Variants in MED29 observed in about 807,000 individuals in gnomAD.
MED29 encodes the protein mediator of RNA polymerase II transcription subunit 29.
A neutral mutation model predicts 22.0 loss-of-function variants in MED29; 14 were observed. The observed-to-expected ratio is 0.64, with a 90% CI of 0.42 to 0.99. The LOEUF is 0.99. MED29 is among the 50% of genes least tolerant of loss of function. The pLI, the probability that MED29 is intolerant of heterozygous loss-of-function variation, is 0.00. For synonymous variants in MED29, 123 were observed against 107.8 expected (o/e 1.14, Z -0.87); for missense variants, 241 against 253.7 (o/e 0.95, Z 0.34).
At position 39,391,590 on chromosome 19, in the gene MED29, T is replaced by C. The variant is rs140511075; in HGVS notation, c.168T>C (p.Pro56=). 1 of 1,612,390 alleles carries C rather than the reference T, an allele frequency of 6.2e-7. No homozygotes were observed. The highest frequency in any genetic ancestry group is 2.2e-5 in the East Asian group (1 of 44,856). The change falls in exon 1 of 4, where the codon CCT becomes CCC. Residue 56 remains proline, a synonymous_variant. Transcript: ENST00000315588. The stretch of plus-strand genomic sequence containing the variant: ...AGCAACAGCAACAGGACTTCGATCC[T>C]GTGCAGCGTTATAAGATGCTCATCC... ...LLQQQQQDFD[P]VQRYKMLIPQ... is the part of the protein sequence containing the mutation.
intron 3 of MED29, among the ~76,000 whole-genome samples, chr19:39,397,105 C>CA (rs1181881678): frequency 6.6e-6 from 1 of 152,066 alleles, no homozygotes; most frequent in Non-Finnish European, 1.5e-5. Flanking sequence ...CCACTGCCAA[C>CA]ACCAGGCCTG....
rs2078453674 is a variant in MED29 at position 39,400,054 on chromosome 19, T to G, written c.*2355T>G. ...TGTGACAAAAGTAAAATATATCAGATGGTGAGAAAACAGAAAAATGAGATC... is the reference window on the plus strand; with the variant it reads ...TGTGACAAAAGTAAAATATATCAGAGGGTGAGAAAACAGAAAAATGAGATC... On this transcript the variant is annotated 3_prime_UTR_variant, in exon 4 of 4. Transcript: ENST00000315588. The G allele has an allele frequency of 6.6e-6, 1 of 152,036 alleles. No individual in the cohort carries two copies. Among genetic ancestry groups the G allele is most frequent in the Non-Finnish European group, 1.5e-5 (1 of 67,988 alleles). 9.4% of individuals were successfully genotyped at this position (152,036 alleles called of 1,614,324 possible).
Position 39,392,624 on chromosome 19 carries a change from C to CCT in MED29, c.275+102_275+103insCT, listed in dbSNP as rs745896633. ...CCGCCCACCTCACCTTCTATATTTA[C>CCT]TTTTTTTTTTTTTTTTTTTTGAGAC... On this transcript the variant is annotated intron_variant, in intron 2 of 3. Coordinates refer to ENST00000315588, the MANE Select transcript of MED29 (RefSeq NM_017592.4). 4.7e-3 allele frequency: 2,426 copies of CCT among 520,210 alleles called. 8 individuals are homozygous for CCT. Among genetic ancestry groups the CCT allele is most frequent in the South Asian group, 6.7e-3 (231 of 34,386 alleles). The allele number at this position is 520,210 out of a possible 1,614,324, so 32.2% of individuals were successfully genotyped here. A position where few individuals can be genotyped will look rare whatever the true frequency, so the allele number is the denominator to read the frequency against.
chr19:39,393,680 A>G (rs770664136), intron 3 of MED29, 43 bp downstream of exon 3: 6 of 1,529,598 alleles, frequency 3.9e-6, no homozygotes, highest in Non-Finnish European at 5.4e-6. Context: ...GCCGTGTCCC[A>G]GTCTCTGGGG....
Position 39,393,588 on chromosome 19 carries a change from A to G in MED29, c.311A>G (p.Lys104Arg). Residue 104 changes from lysine (K) to arginine (R), a missense_variant, in exon 3 of 4, where the codon AAG becomes AGG. Lys to Arg is a conservative substitution (Grantham distance 26). Coordinates refer to ENST00000315588, the MANE Select transcript of MED29 (RefSeq NM_017592.4). ...SSDGPIQRFD[K>R]CLEEFYALCD... The stretch of plus-strand genomic sequence containing the variant: ...GATGGACCCATACAGCGCTTTGACA[A>G]GTGCCTGGAAGAGTTCTATGCACTC... 6.2e-7 allele frequency: 1 copy of G among 1,614,170 alleles called. No individual in the cohort carries two copies. Among genetic ancestry groups the G allele is most frequent in the Non-Finnish European group, 8.5e-7 (1 of 1,180,004 alleles).
At chr19:39,393,675 G>C in intron 3 of MED29, 38 bp downstream of exon 3, 1 of 1,561,358 alleles carries the variant, frequency 6.4e-7, no homozygotes. Flanking sequence ...CAACAGCCGT[G>C]TCCCAGTCTC....
chr19:39,398,184 T>G lies in MED29; in HGVS notation c.*485T>G. On this transcript the variant is annotated 3_prime_UTR_variant, in exon 4 of 4. Transcript: ENST00000315588. ...CTGACCTCTCTCTCTTAGTCCCCTT[T>G]AGCTGTCTTCTATCCCCAGCTCCTA... The G allele has an allele frequency of 5.3e-6, 1 of 189,124 alleles. No individual in the cohort carries two copies. The highest frequency in any genetic ancestry group is 1.3e-4 in the East Asian group (1 of 7,576). 11.7% of individuals were successfully genotyped at this position (189,124 alleles called of 1,614,324 possible).
In MED29 at chr19:39,391,554, C is replaced by T. The variant is rs758112089; in HGVS notation, c.132C>T (p.Ser44=). The change falls in exon 1 of 4, where the codon AGC becomes AGT. Residue 44 remains serine, a synonymous_variant. Coordinates refer to ENST00000315588, the MANE Select transcript of MED29 (RefSeq NM_017592.4). ...CACAACTGGTGGGCCCTGCCCAGAGCGGCCTCCTGCAGCAACAGCAACAGG... is the reference window on the plus strand; with the variant it reads ...CACAACTGGTGGGCCCTGCCCAGAGTGGCCTCCTGCAGCAACAGCAACAGG... ...PPAQLVGPAQ[S]GLLQQQQQDF... The T allele has an allele frequency of 1.2e-6, 2 of 1,613,664 alleles. No individual in the cohort carries two copies. Among genetic ancestry groups the T allele is most frequent in the Non-Finnish European group, 1.7e-6 (2 of 1,179,944 alleles).
chr19:39,393,687 G>T, intron 3 of MED29, 50 bp downstream of exon 3: 1 of 1,505,078 alleles, frequency 6.6e-7, no homozygotes, highest in South Asian at 1.1e-5. Flanking sequence ...CCCAGTCTCT[G>T]GGGTCTTCAG....
intron 2 of MED29, 78 bp downstream of exon 2, chr19:39,392,600 C>T (rs959605322): frequency 1.1e-5 from 14 of 1,279,664 alleles, no homozygotes; most frequent in Admixed American, 1.9e-5. Flanking sequence ...TCCTGCTCCC[C>T]GCCCACCTCA....
Position 39,396,832 on chromosome 19 carries a change from A to G in MED29, c.361-625A>G, listed in dbSNP as rs527284343. Among the ~76,000 whole-genome samples the G allele has an allele frequency of 5.3e-5, 8 of 152,136 alleles. No homozygotes were observed. The South Asian group carries it at 1.7e-3, about 32-fold the overall frequency. ...CTGAGGTCATGAGTTTGAGACCAGC[A>G]TGGCCAATGTGGTGAAACCTTGTCT... On this transcript the variant is annotated intron_variant, in intron 3 of 3. Transcript: ENST00000315588.
intron 3 of MED29, among the ~76,000 whole-genome samples, chr19:39,394,343 TCTC>T (rs919306105): frequency 2.6e-5 from 4 of 151,770 alleles, no homozygotes; most frequent in East Asian, 3.9e-4. Context: ...CTCACTGCAA[TCTC>T]CTCCTCCCAG....
intron 1 of MED29, among the ~76,000 whole-genome samples, chr19:39,392,253 CG>C (rs2145947932): frequency 6.6e-6 from 1 of 151,812 alleles, no homozygotes; most frequent in East Asian, 1.9e-4. Context: ...AGGTTATTGG[CG>C]AGAAGCTCAG....
At chr19:39,394,550 C>T (rs1002164306) in intron 3 of MED29, among the ~76,000 whole-genome samples, 2 of 148,720 alleles carry the variant, frequency 1.3e-5, no homozygotes, top group Non-Finnish European at 3.0e-5. Flanking sequence ...AGCCACTGCA[C>T]CCGGCCTTTT....
intron 1 of MED29, among the ~76,000 whole-genome samples, chr19:39,392,026 A>T (rs770520446): frequency 2.6e-4 from 40 of 152,132 alleles, no homozygotes; most frequent in Admixed American, 1.0e-3. Context: ...CTCCGTCAAA[A>T]AAATAAATAA....
chr19:39,397,963 C>A lies in MED29; in HGVS notation c.*264C>A, dbSNP rs1263580189. On this transcript the variant is annotated 3_prime_UTR_variant, in exon 4 of 4. Coordinates refer to ENST00000315588, the MANE Select transcript of MED29 (RefSeq NM_017592.4). Reference sequence around the variant, plus strand: ...CTTCTCTGTTCCACAGGCCCTCCCCCATTCTTGCCTGGGTGTGGAGCCCTG... The same window carrying A: ...CTTCTCTGTTCCACAGGCCCTCCCCAATTCTTGCCTGGGTGTGGAGCCCTG... 43 of 578,552 alleles carry A rather than the reference C, an allele frequency of 7.4e-5. No homozygotes were observed. The highest frequency in any genetic ancestry group is 3.2e-5 in the Admixed American group (1 of 31,728). 35.8% of individuals were successfully genotyped at this position (578,552 alleles called of 1,614,324 possible).
chr19:39,392,624 CTTTTTTT>C, intron 2 of MED29, 102 bp downstream of exon 2: 13 of 519,930 alleles, frequency 2.5e-5, no homozygotes, highest in South Asian at 5.8e-5. Context: ...TCTATATTTA[CTTTTTTT>C]TTTTTTTTTT....
In MED29 at chr19:39,400,544, T is replaced by C. The variant is rs1348428229; in HGVS notation, c.*2845T>C. On this transcript the variant is annotated 3_prime_UTR_variant, in exon 4 of 4. Transcript: ENST00000315588. ...AATCGTGTTACTTTATTGAAAAACA[T>C]TAAAAGTTTGAGAACTTAAGTTGGA... 6.6e-6 allele frequency: 1 copy of C among 152,206 alleles called. No homozygotes were observed. The highest frequency in any genetic ancestry group is 1.5e-5 in the Non-Finnish European group (1 of 68,026). The allele number at this position is 152,206 out of a possible 1,614,324, so 9.4% of individuals were successfully genotyped here.
rs142198224 is a variant in MED29, at chr19:39,393,081, C to CTTTTTTTTTTTTTTTTTTTTT, written c.276-460_276-440dup. On this transcript the variant is annotated intron_variant, in intron 2 of 3. Transcript: ENST00000315588. Reference sequence around the variant, plus strand: ...TTTTCTTTCTTTCTTTCTTTCTTTTCTTTTTTTTTTTTTTTTTTTTTTTTT... The same window carrying CTTTTTTTTTTTTTTTTTTTTT: ...TTTTCTTTCTTTCTTTCTTTCTTTTCTTTTTTTTTTTTTTTTTTTTTTTTTTTTTTTTTTTTTTTTTTTTTT... Among the ~76,000 whole-genome samples the CTTTTTTTTTTTTTTTTTTTTT allele has an allele frequency of 6.3e-4, 22 of 34,706 alleles. 1 individual carries two copies. Among genetic ancestry groups the CTTTTTTTTTTTTTTTTTTTTT allele is most frequent in the Admixed American group, 8.8e-4 (2 of 2,266 alleles). The allele number at this position is 34,706 out of a possible 152,430, so 22.8% of individuals were successfully genotyped here. A position where few individuals can be genotyped will look rare whatever the true frequency, so the allele number is the denominator to read the frequency against.
Sources: gnomAD v4.1 joint callset for allele counts (sites outside exome capture counted in the v4.1 genomes callset) on GRCh38, gnomAD v4.1.1 for gene constraint, MANE v1.5 for transcripts, NCBI Gene and HGNC (gene_info 2026-07-23, HGNC 2026-07-21) for gene names.